The following DEPP1 variants were observed in gnomAD, a reference collection of about 807,000 sequenced individuals.
DEPP1 encodes DEPP autophagy regulator 1.
For missense variants in DEPP1, 267 were observed against 280.1 expected (o/e 0.95, Z 0.33); for synonymous variants, 117 against 113.6 (o/e 1.03, Z -0.19).
chr10:44,977,496 T>A lies in DEPP1; in HGVS notation c.535A>T (p.Thr179Ser), dbSNP rs1485404040. 13 of 1,613,202 alleles carry A rather than the reference T, an allele frequency of 8.1e-6. No individual in the cohort carries two copies. The highest frequency in any genetic ancestry group is 1.1e-5 in the Non-Finnish European group (13 of 1,179,916). ...GQQSSDLRSWTFGQSAQAMAS... is the reference protein window; with the variant it reads ...GQQSSDLRSWSFGQSAQAMAS... ...ATGGCTTGGGCAGACTGCCCAAAAG[T>A]CCAGCTTCTTAGGTCAGAGCTCTGC... Residue 179 changes from threonine to serine, a missense_variant, in exon 2 of 2, where the codon ACT becomes TCT. Physicochemically the swap from Thr to Ser is moderately conservative, Grantham distance 58. Coordinates refer to ENST00000298295, the MANE Select transcript of DEPP1 (RefSeq NM_007021.4).
intron 1 of DEPP1, 147 bp from the exon 2 acceptor site, chr10:44,978,202 T>A (rs1164409086): frequency 1.6e-6 from 1 of 629,922 alleles, no homozygotes; most frequent in Non-Finnish European, 2.6e-6. Flanking sequence ...GAGCTCCGAC[T>A]GCTGGGATCT....
At chr10:44,978,155 C>T (rs1485759509) in intron 1 of DEPP1, 100 bp from the exon 2 acceptor site, 4 of 1,122,754 alleles carry the variant, frequency 3.6e-6, no homozygotes, top group Non-Finnish European at 2.5e-6. Flanking sequence ...GAATCCGGTG[C>T]CCTGAGAGCA....
intron 1 of DEPP1, chr10:44,978,259 A>T: frequency 5.6e-6 from 3 of 532,684 alleles, no homozygotes; most frequent in Non-Finnish European, 9.8e-6. Context: ...AGATTTTATC[A>T]TTATCGTTTC....
chr10:44,978,509 GT>G (rs1240606814), intron 1 of DEPP1, 108 bp downstream of exon 1: 7 of 153,596 alleles, frequency 4.6e-5, no homozygotes, highest in African/African-American at 1.7e-4. Flanking sequence ...GACAGCCCTG[GT>G]CTCTAACCCA....
Position 44,977,452 on chromosome 10 carries a change from G to A in DEPP1, c.579C>T (p.Pro193=), listed in dbSNP as rs1198910659. 2 of 1,611,864 alleles carry A rather than the reference G, an allele frequency of 1.2e-6. No individual in the cohort carries two copies. Among genetic ancestry groups the A allele is most frequent in the Non-Finnish European group, 1.7e-6 (2 of 1,179,160 alleles). ...GTGTTCTGAGGACACTGCTGGGGCG[G>A]GGGCGGTGGCGGGAGGCCATGGCTT... ...SAQAMASRHR[P]RPSSVLRTLY... The change falls in exon 2 of 2, where the codon CCC becomes CCT. Residue 193 remains proline, a synonymous_variant. Transcript: ENST00000298295.
In DEPP1 at chr10:44,976,139, C is replaced by G. The variant is rs1352721946; in HGVS notation, c.*1253G>C. The G allele has an allele frequency of 1.3e-5, 2 of 152,122 alleles. No homozygotes were observed. The highest frequency in any genetic ancestry group is 6.5e-5 in the Admixed American group (1 of 15,274). The allele number at this position is 152,122 out of a possible 1,614,324, so 9.4% of individuals were successfully genotyped here. On this transcript the variant is annotated 3_prime_UTR_variant, in exon 2 of 2. Coordinates refer to ENST00000298295, the MANE Select transcript of DEPP1 (RefSeq NM_007021.4). ...GAGACACAGTGGGCTGTGACAGATACAAACATTTGTCTACAGTGCTCATAA... is the reference window on the plus strand; with the variant it reads ...GAGACACAGTGGGCTGTGACAGATAGAAACATTTGTCTACAGTGCTCATAA...
In DEPP1 at chr10:44,977,682, G is replaced by A. The variant is rs939888737; in HGVS notation, c.349C>T (p.Pro117Ser). 1 of 1,612,714 alleles carries A rather than the reference G, an allele frequency of 6.2e-7. No individual in the cohort carries two copies. Among genetic ancestry groups the A allele is most frequent in the African/African-American group, 1.3e-5 (1 of 74,924 alleles). ...WLFGESQEKQ[P>S]SQRDLPRRTG... ...CTCCTTGGCAGGTCCCTCTGGCTTG[G>A]CTGCTTTTCCTGGGACTCCCCAAAA... The change falls in exon 2 of 2, where the codon CCA becomes TCA. Residue 117 changes from proline (P) to serine (S), a missense_variant. Coordinates refer to ENST00000298295, the MANE Select transcript of DEPP1 (RefSeq NM_007021.4).
rs1033842116 is a variant in DEPP1 at position 44,977,171 on chromosome 10, G to A, written c.*221C>T. On this transcript the variant is annotated 3_prime_UTR_variant, in exon 2 of 2. Coordinates refer to ENST00000298295, the MANE Select transcript of DEPP1 (RefSeq NM_007021.4). ...GTAAGTTGCTCAAGGTGATCAGCCA[G>A]CAAGGGTCAGAGCGAACGGGATTGG... is the stretch of plus-strand genomic sequence containing the variant. 12 of 511,470 alleles carry A rather than the reference G, an allele frequency of 2.3e-5. No homozygotes were observed. The highest frequency in any genetic ancestry group is 7.6e-5 in the African/African-American group (4 of 52,308). The allele number at this position is 511,470 out of a possible 1,614,324, so 31.7% of individuals were successfully genotyped here. A position where few individuals can be genotyped will look rare whatever the true frequency, so the allele number is the denominator to read the frequency against.
chr10:44,977,155 T>C lies in DEPP1; in HGVS notation c.*237A>G. ...GGAACACAGATGTTAAGTAAGTTGCTCAAGGTGATCAGCCAGCAAGGGTCA... is the reference window on the plus strand; with the variant it reads ...GGAACACAGATGTTAAGTAAGTTGCCCAAGGTGATCAGCCAGCAAGGGTCA... On this transcript the variant is annotated 3_prime_UTR_variant, in exon 2 of 2. Coordinates refer to ENST00000298295, the MANE Select transcript of DEPP1 (RefSeq NM_007021.4). 2.1e-6 allele frequency: 1 copy of C among 471,976 alleles called. No individual in the cohort carries two copies. The highest frequency in any genetic ancestry group is 3.7e-6 in the Non-Finnish European group (1 of 271,220). The allele number at this position is 471,976 out of a possible 1,614,324, so 29.2% of individuals were successfully genotyped here. A position where few individuals can be genotyped will look rare whatever the true frequency, so the allele number is the denominator to read the frequency against.
intron 1 of DEPP1, 99 bp from the exon 2 acceptor site, chr10:44,978,154 G>A: frequency 8.9e-7 from 1 of 1,122,066 alleles, no homozygotes; most frequent in Non-Finnish European, 1.3e-6. Flanking sequence ...GGAATCCGGT[G>A]CCCTGAGAGC....
In DEPP1 at chr10:44,977,760, C is replaced by T; in HGVS notation, c.271G>A (p.Gly91Ser). 6.2e-7 allele frequency: 1 copy of T among 1,601,076 alleles called. No individual in the cohort carries two copies. The highest frequency in any genetic ancestry group is 8.5e-7 in the Non-Finnish European group (1 of 1,172,232). ...GCCATGGGCAGTGTGGGCTGCTGGC[C>T]ACTGAAACGTGCGGTGATGTCTCGC... ...SLRDITARFSGQQPTLPMADT... is the reference protein window; with the variant it reads ...SLRDITARFSSQQPTLPMADT... Residue 91 changes from glycine (G) to serine (S), a missense_variant, in exon 2 of 2, where the codon GGC (glycine) becomes AGC (serine). By Grantham distance (56) the Gly-to-Ser change is moderately conservative. Transcript: ENST00000298295.
At position 44,976,383 on chromosome 10, in the gene DEPP1, G is replaced by A. The variant is rs1841427073; in HGVS notation, c.*1009C>T. On this transcript the variant is annotated 3_prime_UTR_variant, in exon 2 of 2. Transcript: ENST00000298295. ...GCAATTAAAAATAGCCACAAAAAAA[G>A]AGAATAACCTAGACTGACAGCTCAC... 6.6e-6 allele frequency: 1 copy of A among 152,228 alleles called. No homozygotes were observed. Among genetic ancestry groups the A allele is most frequent in the South Asian group, 2.1e-4 (1 of 4,830 alleles). The allele number at this position is 152,228 out of a possible 1,614,324, so 9.4% of individuals were successfully genotyped here.
chr10:44,977,413 G>A lies in DEPP1; in HGVS notation c.618C>T (p.Leu206=), dbSNP rs1369305036. 2 of 1,592,054 alleles carry A rather than the reference G, an allele frequency of 1.3e-6. No individual in the cohort carries two copies. The highest frequency in any genetic ancestry group is 2.2e-5 in the East Asian group (1 of 44,458). ...GGGGTCAGAGTTCATGGATCACCGG[G>A]AGGTGCGAGTAGAGTGTTCTGAGGA... is the stretch of plus-strand genomic sequence containing the variant. ...SSVLRTLYSH[L]PVIHEL The change falls in exon 2 of 2, where the codon CTC becomes CTT. Residue 206 remains leucine, a synonymous_variant. Coordinates refer to ENST00000298295, the MANE Select transcript of DEPP1 (RefSeq NM_007021.4).
rs1447557751 is a variant in DEPP1, at chr10:44,976,800, T to A, written c.*592A>T. 6.6e-6 allele frequency: 1 copy of A among 152,516 alleles called. No individual in the cohort carries two copies. The highest frequency in any genetic ancestry group is 1.5e-5 in the Non-Finnish European group (1 of 68,292). 9.4% of individuals were successfully genotyped at this position (152,516 alleles called of 1,614,324 possible). A position where few individuals can be genotyped will look rare whatever the true frequency, so the allele number is the denominator to read the frequency against. On this transcript the variant is annotated 3_prime_UTR_variant, in exon 2 of 2. Transcript: ENST00000298295. The stretch of plus-strand genomic sequence containing the variant: ...CCAATGCCACCACAGGACGTATGAG[T>A]TGTAGCCAGCAGAGTGCCCCAGTGG...
chr10:44,977,202 TCTC>T lies in DEPP1; in HGVS notation c.*187_*189del, dbSNP rs1363133573. ...GTCAGAGCGAACGGGATTGGTAACATCTCCTCATGTGAAACAGGCTGTTATCAT... is the reference window on the plus strand; with the variant it reads ...GTCAGAGCGAACGGGATTGGTAACATCTCATGTGAAACAGGCTGTTATCAT... On this transcript the variant is annotated 3_prime_UTR_variant, in exon 2 of 2. Coordinates refer to ENST00000298295, the MANE Select transcript of DEPP1 (RefSeq NM_007021.4). The T allele has an allele frequency of 4.3e-5, 29 of 675,116 alleles. No individual in the cohort carries two copies. The highest frequency in any genetic ancestry group is 5.4e-5 in the East Asian group (2 of 36,718). 41.8% of individuals were successfully genotyped at this position (675,116 alleles called of 1,614,324 possible).
In DEPP1 at chr10:44,977,483, G is replaced by C; in HGVS notation, c.548C>G (p.Ser183Cys). 6.2e-7 allele frequency: 1 copy of C among 1,612,970 alleles called. No individual in the cohort carries two copies. The highest frequency in any genetic ancestry group is 8.5e-7 in the Non-Finnish European group (1 of 1,179,818). ...SDLRSWTFGQ[S>C]AQAMASRHRP... Reference sequence around the variant, plus strand: ...GTGGCGGGAGGCCATGGCTTGGGCAGACTGCCCAAAAGTCCAGCTTCTTAG... The same window carrying C: ...GTGGCGGGAGGCCATGGCTTGGGCACACTGCCCAAAAGTCCAGCTTCTTAG... Residue 183 changes from serine to cysteine, a missense_variant, in exon 2 of 2, where the codon TCT becomes TGT. By Grantham distance (112) the Ser-to-Cys change is moderately radical. Coordinates refer to ENST00000298295, the MANE Select transcript of DEPP1 (RefSeq NM_007021.4).
In DEPP1 at chr10:44,977,290, T is replaced by C. The variant is rs1351856280; in HGVS notation, c.*102A>G. On this transcript the variant is annotated 3_prime_UTR_variant, in exon 2 of 2. Transcript: ENST00000298295. ...AAGCAGGGGCCTCTGCAGAAAAGCA[T>C]TTCCCTTTCAGAGACCTGCCAGGGG... 30 of 1,441,298 alleles carry C rather than the reference T, an allele frequency of 2.1e-5. No homozygotes were observed. Among genetic ancestry groups the C allele is most frequent in the Non-Finnish European group, 2.4e-5 (26 of 1,072,944 alleles). The allele number at this position is 1,441,298 out of a possible 1,614,324, so 89.3% of individuals were successfully genotyped here. A position where few individuals can be genotyped will look rare whatever the true frequency, so the allele number is the denominator to read the frequency against.
At position 44,977,770 on chromosome 10, in the gene DEPP1, T is replaced by A. The variant is rs1166744305; in HGVS notation, c.261A>T (p.Ala87=). 1.9e-6 allele frequency: 3 copies of A among 1,600,910 alleles called. No homozygotes were observed. Among genetic ancestry groups the A allele is most frequent in the Non-Finnish European group, 2.6e-6 (3 of 1,172,236 alleles). ...RPAVSLRDIT[A]RFSGQQPTLP... is the part of the protein sequence containing the mutation. ...GTGTGGGCTGCTGGCCACTGAAACGTGCGGTGATGTCTCGCAGGGACACAG... is the reference window on the plus strand; with the variant it reads ...GTGTGGGCTGCTGGCCACTGAAACGAGCGGTGATGTCTCGCAGGGACACAG... Residue 87 remains alanine, a synonymous_variant, in exon 2 of 2, where the codon GCA becomes GCT. Coordinates refer to ENST00000298295, the MANE Select transcript of DEPP1 (RefSeq NM_007021.4).
In DEPP1 at chr10:44,977,951, G is replaced by A. The variant is rs1205964118; in HGVS notation, c.80C>T (p.Pro27Leu). The change falls in exon 2 of 2, where the codon CCT becomes CTT. Residue 27 changes from proline (P) to leucine (L), a missense_variant. Transcript: ENST00000298295. ...ETTEEMLLGG[P>L]GQEPPPSPSL... Reference sequence around the variant, plus strand: ...AGGAGAGGGTGGGGGCTCCTGTCCAGGACCCCCAAGCAGCATCTCCTCCGT... The same window carrying A: ...AGGAGAGGGTGGGGGCTCCTGTCCAAGACCCCCAAGCAGCATCTCCTCCGT... The A allele has an allele frequency of 2.5e-6, 4 of 1,612,068 alleles. No individual in the cohort carries two copies. In the Admixed American group the frequency reaches 6.7e-5, roughly 27 times the overall value.
Sources: gnomAD v4.1 joint callset for allele counts on GRCh38, gnomAD v4.1.1 for gene constraint, MANE v1.5 for transcripts, NCBI Gene and HGNC (gene_info 2026-07-23, HGNC 2026-07-21) for gene names.